Variants in SNW1 observed in about 807,000 individuals in gnomAD.
The protein encoded by SNW1 is SNW domain containing 1, also known as SNW domain-containing protein 1.
A neutral mutation model predicts 75.6 loss-of-function variants in SNW1; 9 were observed. That is an observed-to-expected ratio of 0.12 (90% CI 0.07 to 0.21). The LOEUF is 0.21. Ranked by LOEUF, SNW1 falls within the 10% of genes least tolerant of loss-of-function variation. The pLI is 1.00. For synonymous variants in SNW1, 200 were observed against 219.1 expected (o/e 0.91, Z 0.77); for missense variants, 409 against 670.9 (o/e 0.61, Z 4.31).
chr14:77,742,396 G>A (rs1292770469), intron 3 of SNW1, among the ~76,000 whole-genome samples: 3 of 152,074 alleles, frequency 2.0e-5, no homozygotes, highest in African/African-American at 4.8e-5. Flanking sequence ...GTACCAGGAG[G>A]CAAATGGGCT....
chr14:77,754,138 AG>A (rs1030589092), intron 2 of SNW1, among the ~76,000 whole-genome samples: 62 of 151,526 alleles, frequency 4.1e-4, no homozygotes, highest in Non-Finnish European at 7.4e-4. Context: ...TCTGCCTCCC[AG>A]GTTCAAGCAA....
intron 12 of SNW1, among the ~76,000 whole-genome samples, chr14:77,719,782 G>T (rs1040159085): frequency 2.6e-5 from 4 of 152,106 alleles, no homozygotes; most frequent in African/African-American, 9.7e-5. Context: ...TAGGATTTTT[G>T]TAAGAATTGA....
intron 3 of SNW1, among the ~76,000 whole-genome samples, chr14:77,744,029 C>G (rs994368208): frequency 4.0e-5 from 6 of 151,704 alleles, no homozygotes; most frequent in African/African-American, 1.5e-4. Context: ...AACGATCTGG[C>G]CGGGTGTAGT....
At chr14:77,760,583 A>C (rs780630896) in intron 1 of SNW1, 169 of 690,868 alleles carry the variant, frequency 2.4e-4, no homozygotes, top group Non-Finnish European at 4.2e-4. Context: ...GCAGTGGCGC[A>C]TATCAGCAGA....
rs568332467 is a variant in SNW1 at position 77,756,772 on chromosome 14, G to A, written c.15-1652C>T. On this transcript the variant is annotated intron_variant, in intron 1 of 13. Transcript: ENST00000261531. Reference sequence around the variant, plus strand: ...CTGGTGTGCGCCTGTAATCCCACTCGGGAGGCTGAGGCAGGAGAATCACTT... The same window carrying A: ...CTGGTGTGCGCCTGTAATCCCACTCAGGAGGCTGAGGCAGGAGAATCACTT... Among the ~76,000 whole-genome samples, 9 of 152,228 alleles carry A rather than the reference G, an allele frequency of 5.9e-5. No individual in the cohort carries two copies. The South Asian group carries it at 1.7e-3, about 28-fold the overall frequency.
chr14:77,740,169 C>G (rs1282429284), intron 3 of SNW1, among the ~76,000 whole-genome samples: 1 of 97,848 alleles, frequency 1.0e-5, no homozygotes, highest in African/African-American at 3.7e-5. Flanking sequence ...GAGAGAGATA[C>G]AGAAAATTCA....
intron 3 of SNW1, among the ~76,000 whole-genome samples, chr14:77,743,264 A>G (rs1389656605): frequency 1.3e-5 from 2 of 152,132 alleles, no homozygotes; most frequent in Non-Finnish European, 2.9e-5. Context: ...TAATTAGGAA[A>G]AAAAAAGCAT....
rs765682316 is a variant in SNW1 at position 77,737,072 on chromosome 14, G to A, written c.537C>T (p.Tyr179=). ...DKLAPAQYIR[Y]TPSQQGVAFN... ...ATGCCACTCCTTGCTGAGATGGTGT[G>A]TATCTGAAGAAAGCAGATAAAAACT... Residue 179 remains tyrosine, a synonymous_variant, in exon 6 of 14, where the codon TAC becomes TAT. Transcript: ENST00000261531. 4 of 1,610,710 alleles carry A rather than the reference G, an allele frequency of 2.5e-6. No individual in the cohort carries two copies. In the East Asian group the frequency reaches 6.7e-5, roughly 27 times the overall value.
chr14:77,746,644 A>G (rs2080762281), intron 3 of SNW1, among the ~76,000 whole-genome samples: 1 of 152,166 alleles, frequency 6.6e-6, no homozygotes, highest in Non-Finnish European at 1.5e-5. Context: ...AAAACCACCA[A>G]TGCTTAAAAA....
At chr14:77,744,463 AAAAG>A (rs1323951364) in intron 3 of SNW1, among the ~76,000 whole-genome samples, 13 of 148,816 alleles carry the variant, frequency 8.7e-5, no homozygotes, top group African/African-American at 3.3e-4. Flanking sequence ...AAAAAAAAAA[AAAAG>A]AAAAGTAAAG....
Position 77,731,022 on chromosome 14 carries a change from C to T in SNW1, c.999G>A (p.Glu333=), listed in dbSNP as rs114763. 0.54 allele frequency: 867,647 copies of T among 1,613,136 alleles called. 236,420 individuals carry two copies. Among genetic ancestry groups the T allele is most frequent in the East Asian group, 0.69 (31,143 of 44,862 alleles). The change falls in exon 10 of 14, where the codon GAG becomes GAA. Residue 333 remains glutamate, a synonymous_variant. Coordinates refer to ENST00000261531, the MANE Select transcript of SNW1 (RefSeq NM_012245.3). The part of the protein sequence containing the change: ...KLREMAQKAR[E]RRAGIKTHVE... ...CATGAGTTTTGATCCCAGCTCTTCT[C>T]TCCCTGGCTTTCTGGGCCATTTCTC... is the stretch of plus-strand genomic sequence containing the variant.
intron 10 of SNW1, among the ~76,000 whole-genome samples, chr14:77,726,145 G>C (rs938075134): frequency 3.0e-4 from 45 of 152,102 alleles, no homozygotes; most frequent in Non-Finnish European, 1.5e-4. Context: ...ACAAATTTTA[G>C]TATTGTTTTT....
intron 3 of SNW1, among the ~76,000 whole-genome samples, chr14:77,748,330 C>T (rs920728790): frequency 2.0e-5 from 3 of 152,152 alleles, no homozygotes; most frequent in Non-Finnish European, 2.9e-5. Context: ...ACTTGTTTAT[C>T]TGCTGACCTT....
At chr14:77,733,604 G>A (rs1435868933) in intron 8 of SNW1, among the ~76,000 whole-genome samples, 2 of 151,722 alleles carry the variant, frequency 1.3e-5, no homozygotes, top group Admixed American at 1.3e-4. Context: ...AAGTAGCCAG[G>A]CATGGTGGGG....
At chr14:77,734,643 C>T (rs566165223) in intron 8 of SNW1, among the ~76,000 whole-genome samples, 2 of 152,172 alleles carry the variant, frequency 1.3e-5, no homozygotes, top group East Asian at 3.9e-4. Context: ...GAGGCTGAGG[C>T]AGGGCAATCG....
intron 3 of SNW1, among the ~76,000 whole-genome samples, chr14:77,747,833 T>TG (rs576425618): frequency 1.1e-3 from 162 of 146,016 alleles, no homozygotes; most frequent in Admixed American, 4.9e-3. Flanking sequence ...ATCCGGGAGG[T>TG]GGGGGGCGCC....
chr14:77,751,845 C>CACACACCACA (rs1555388654), intron 2 of SNW1, among the ~76,000 whole-genome samples: 1 of 122,580 alleles, frequency 8.2e-6, no homozygotes, highest in African/African-American at 3.8e-5. Context: ...CACACACACA[C>CACACACCACA]CACACACACA....
chr14:77,754,586 TGTG>T (rs1483289616), intron 2 of SNW1, among the ~76,000 whole-genome samples: 6 of 152,208 alleles, frequency 3.9e-5, no homozygotes, highest in African/African-American at 1.4e-4. Context: ...TTCAGGGTTA[TGTG>T]GTATTATCGG....
chr14:77,726,357 C>T (rs1311414113), intron 10 of SNW1, among the ~76,000 whole-genome samples: 1 of 152,142 alleles, frequency 6.6e-6, no homozygotes, highest in African/African-American at 2.4e-5. Context: ...TAGGGTCTTA[C>T]TGTGTTGCCC....
Sources: gnomAD v4.1 joint callset for allele counts (sites outside exome capture counted in the v4.1 genomes callset) on GRCh38, gnomAD v4.1.1 for gene constraint, MANE v1.5 for transcripts, NCBI Gene and HGNC (gene_info 2026-07-23, HGNC 2026-07-21) for gene names.